AOAH: variants seen among roughly 807,000 people sequenced by gnomAD.
AOAH encodes acyloxyacyl hydrolase (neutrophil).
Under a neutral mutation model 92.2 loss-of-function variants are expected in AOAH, and 64 were observed. The observed-to-expected ratio is 0.69, with a 90% CI of 0.57 to 0.86. The LOEUF (loss-of-function observed/expected upper bound fraction) is 0.86. Ranked by LOEUF, AOAH falls within the 40% of genes least tolerant of loss-of-function variation. The pLI, the probability that AOAH is intolerant of heterozygous loss-of-function variation, is 0.00. For synonymous variants in AOAH, 263 were observed against 254.5 expected (o/e 1.03, Z -0.32); for missense variants, 656 against 694.6 (o/e 0.94, Z 0.62).
chr7:36,665,396 C>A (rs1239587452), intron 3 of AOAH, among the ~76,000 whole-genome samples: 1 of 151,454 alleles, frequency 6.6e-6, no homozygotes, highest in Non-Finnish European at 1.5e-5. Context: ...TTGTGTCCTG[C>A]AACCTTGCTA....
At chr7:36,615,633 T>C (rs2727815) in intron 11 of AOAH, among the ~76,000 whole-genome samples, 85,487 of 152,070 alleles carry the variant, frequency 0.56, 24,281 homozygotes, top group African/African-American at 0.64. Flanking sequence ...CCCAGGTGTT[T>C]GCACAATTTG....
At chr7:36,518,721 G>A (rs1783956060) in intron 20 of AOAH, among the ~76,000 whole-genome samples, 2 of 152,226 alleles carry the variant, frequency 1.3e-5, no homozygotes, top group Admixed American at 1.3e-4. Context: ...TTCTTGTTAA[G>A]TTGCATATAA....
At chr7:36,565,903 T>G (rs1328929488) in intron 13 of AOAH, among the ~76,000 whole-genome samples, 1 of 152,054 alleles carries the variant, frequency 6.6e-6, no homozygotes, top group East Asian at 1.9e-4. Flanking sequence ...ACAATAACAC[T>G]ATTGCCTGAT....
intron 5 of AOAH, among the ~76,000 whole-genome samples, chr7:36,635,738 G>GAT (rs1403432667): frequency 6.6e-6 from 1 of 152,214 alleles, no homozygotes; most frequent in East Asian, 1.9e-4. Flanking sequence ...TGAACGTGGA[G>GAT]ATAGCTAGCT....
intron 4 of AOAH, among the ~76,000 whole-genome samples, chr7:36,651,241 G>T (rs569357105): frequency 6.6e-6 from 1 of 152,320 alleles, no homozygotes; most frequent in East Asian, 1.9e-4. Context: ...CATGCCATAT[G>T]TGCTGGAATA....
chr7:36,535,736 T>C (rs923311343), intron 16 of AOAH, among the ~76,000 whole-genome samples: 1 of 112,586 alleles, frequency 8.9e-6, no homozygotes, highest in African/African-American at 3.5e-5. Flanking sequence ...CGGAGTTTTT[T>C]CCCTCTCATT....
intron 1 of AOAH, among the ~76,000 whole-genome samples, chr7:36,691,257 G>A (rs1310745736): frequency 6.6e-6 from 1 of 152,204 alleles, no homozygotes; most frequent in Non-Finnish European, 1.5e-5. Context: ...GAGTGGATAA[G>A]TACCTTGCCA....
chr7:36,678,576 T>C lies in AOAH; in HGVS notation c.224-4567A>G, dbSNP rs1190176226. ...GTGTGTGTGTGTGTGTGTGTGTGTG[T>C]GTGTGTGTGTGTGTGTGTGTGTGTG... is the stretch of plus-strand genomic sequence containing the variant. On this transcript the variant is annotated intron_variant, in intron 2 of 20. Transcript: ENST00000617537. 1.4e-3 allele frequency among the ~76,000 whole-genome samples: 184 copies of C among 127,212 alleles called. 1 individual carries two copies. Among genetic ancestry groups the C allele is most frequent in the Admixed American group, 2.5e-3 (34 of 13,730 alleles). 83.5% of individuals were successfully genotyped at this position (127,212 alleles called of 152,430 possible).
rs1430498055 is a variant in AOAH at position 36,716,738 on chromosome 7, C to A, written c.127+7284G>T. On this transcript the variant is annotated intron_variant, in intron 1 of 20. Coordinates refer to ENST00000617537, the MANE Select transcript of AOAH (RefSeq NM_001637.4). ...TATCAGAAGGACAACAAACAAAACA[C>A]GGCATGTTCTCAATCATAGGTGGGA... Among the ~76,000 whole-genome samples the A allele has an allele frequency of 5.3e-5, 8 of 150,020 alleles. 1 individual carries two copies. In the East Asian group the frequency reaches 1.4e-3, roughly 26 times the overall value.
Position 36,644,851 on chromosome 7 carries a change from T to A in AOAH, c.391-6941A>T, listed in dbSNP as rs59815011. On this transcript the variant is annotated intron_variant, in intron 4 of 20. Transcript: ENST00000617537. Reference sequence around the variant, plus strand: ...AGATTCTCACAAAGGAGAAAGCCCCTGGGAAGTAAAATGATGATTCCAAAT... The same window carrying A: ...AGATTCTCACAAAGGAGAAAGCCCCAGGGAAGTAAAATGATGATTCCAAAT... Among the ~76,000 whole-genome samples the A allele has an allele frequency of 9.0e-3, 1,234 of 137,144 alleles. 6 individuals are homozygous for A. Among genetic ancestry groups the A allele is most frequent in the African/African-American group, 0.032 (1,167 of 36,104 alleles). 90.0% of individuals were successfully genotyped at this position (137,144 alleles called of 152,430 possible). A position where few individuals can be genotyped will look rare whatever the true frequency, so the allele number is the denominator to read the frequency against.
chr7:36,716,178 C>T lies in AOAH; in HGVS notation c.127+7844G>A, dbSNP rs573610534. ...AAAGTGGGCAAAGGATATGAACAGA[C>T]ACTTCTCAAAAGAAGACATTTATGC... On this transcript the variant is annotated intron_variant, in intron 1 of 20. Coordinates refer to ENST00000617537, the MANE Select transcript of AOAH (RefSeq NM_001637.4). Among the ~76,000 whole-genome samples, 789 of 152,332 alleles carry T rather than the reference C, an allele frequency of 5.2e-3. 5 individuals are homozygous for T. Among genetic ancestry groups the T allele is most frequent in the African/African-American group, 0.018 (752 of 41,572 alleles).
chr7:36,701,850 C>G (rs1289248226), intron 1 of AOAH, among the ~76,000 whole-genome samples: 1 of 151,882 alleles, frequency 6.6e-6, no homozygotes, highest in Non-Finnish European at 1.5e-5. Context: ...TTTTGCTCTT[C>G]TTGTTTACTA....
rs373613533 is a variant in AOAH, at chr7:36,639,175, A to G, written c.391-1265T>C. ...CCCATTCAAAAACTGACCTCATTAA[A>G]TGCACTTTTGGCCTTTTCTGGAAAT... On this transcript the variant is annotated intron_variant, in intron 4 of 20. Coordinates refer to ENST00000617537, the MANE Select transcript of AOAH (RefSeq NM_001637.4). Among the ~76,000 whole-genome samples, 67 of 152,360 alleles carry G rather than the reference A, an allele frequency of 4.4e-4. 1 individual carries two copies. In the East Asian group the frequency reaches 6.7e-3, roughly 15 times the overall value.
chr7:36,542,998 G>A (rs1785517736), intron 15 of AOAH, among the ~76,000 whole-genome samples: 1 of 151,584 alleles, frequency 6.6e-6, no homozygotes, highest in South Asian at 2.1e-4. Flanking sequence ...GGTGCCATGG[G>A]GGTAGCCAGT....
rs1379753679 is a variant in AOAH at position 36,526,670 on chromosome 7, A to AT, written c.1522+3747dup. 2.6e-5 allele frequency among the ~76,000 whole-genome samples: 4 copies of AT among 152,232 alleles called. No homozygotes were observed. In the East Asian group the frequency reaches 7.7e-4, roughly 29 times the overall value. On this transcript the variant is annotated intron_variant, in intron 19 of 20. Transcript: ENST00000617537. ...TGGATGATCTGTGGAGATTTGGAGC[A>AT]TAATGTATTTTGTTTTGTTTTCTTC...
chr7:36,548,033 T>G (rs977955204), intron 15 of AOAH, among the ~76,000 whole-genome samples: 2 of 152,208 alleles, frequency 1.3e-5, no homozygotes, highest in African/African-American at 4.8e-5. Flanking sequence ...TTCCCAATCT[T>G]GGGTTCTCAG....
chr7:36,589,701 C>G (rs891959656), intron 12 of AOAH, among the ~76,000 whole-genome samples: 2 of 152,120 alleles, frequency 1.3e-5, no homozygotes, highest in Non-Finnish European at 2.9e-5. Context: ...GAATGAGCAC[C>G]CTTATAACTG....
intron 5 of AOAH, 112 bp downstream of exon 5, chr7:36,637,739 A>T (rs1793619094): frequency 2.2e-6 from 2 of 909,362 alleles, no homozygotes; most frequent in Admixed American, 4.2e-5. Context: ...TAGCTATGGC[A>T]TGTTGCAGGC....
At chr7:36,634,727 A>G (rs1793400803) in intron 5 of AOAH, among the ~76,000 whole-genome samples, 2 of 152,338 alleles carry the variant, frequency 1.3e-5, no homozygotes, top group African/African-American at 4.8e-5. Context: ...GGTACTTTTA[A>G]TATTCAGTTT....
Sources: gnomAD v4.1 joint callset for allele counts (sites outside exome capture counted in the v4.1 genomes callset) on GRCh38, gnomAD v4.1.1 for gene constraint, MANE v1.5 for transcripts, NCBI Gene and HGNC (gene_info 2026-07-23, HGNC 2026-07-21) for gene names.